Variants in PIK3R3 observed in about 807,000 individuals in gnomAD.
The protein encoded by PIK3R3 is phosphatidylinositol 3-kinase regulatory subunit gamma.
A neutral mutation model predicts 62.9 loss-of-function variants in PIK3R3; 64 were observed. The observed-to-expected ratio is 1.02, with a 90% CI of 0.83 to 1.25. The LOEUF is 1.25. Among genes scored for constraint, PIK3R3 ranks in the 50% most tolerant of loss-of-function variants. The pLI, the probability that PIK3R3 is intolerant of heterozygous loss-of-function variation, is 0.00. For missense variants in PIK3R3, 614 were observed against 561.6 expected (o/e 1.09, Z -0.94); for synonymous variants, 165 against 189.0 (o/e 0.87, Z 1.04).
intron 7 of PIK3R3, 22 bp downstream of exon 7, chr1:46,055,773 C>T: frequency 6.5e-7 from 1 of 1,530,192 alleles, no homozygotes; most frequent in Non-Finnish European, 8.8e-7. Context: ...TCTCCCTCCC[C>T]ATACACTCCC....
intron 1 of PIK3R3, among the ~76,000 whole-genome samples, chr1:46,090,351 T>C (rs1651505748): frequency 6.6e-6 from 1 of 150,958 alleles, no homozygotes. Flanking sequence ...TTTATTTTTT[T>C]GAGACAGTCT....
At chr1:46,071,696 C>CAAAAAAAAAAA (rs1331276065) in intron 3 of PIK3R3, among the ~76,000 whole-genome samples, 700 of 17,000 alleles carry the variant, frequency 0.041, 27 homozygotes, top group East Asian at 0.064. Flanking sequence ...ACTCTGTCTC[C>CAAAAAAAAAAA]AAAAAAAAAA....
chr1:46,170,825 C>A, the PIK3R3 span, among the ~76,000 whole-genome samples: 3 of 152,242 alleles, frequency 2.0e-5, no homozygotes, highest in African/African-American at 7.2e-5. Flanking sequence ...GTTTAGACAG[C>A]CACCTGAATG....
chr1:46,065,991 C>A lies in PIK3R3; in HGVS notation c.621+63G>T. The A allele has an allele frequency of 4.1e-6, 6 of 1,472,434 alleles. No individual in the cohort carries two copies. The South Asian group carries it at 6.9e-5, about 17-fold the overall frequency. The allele number at this position is 1,472,434 out of a possible 1,614,324, so 91.2% of individuals were successfully genotyped here. On this transcript the variant is annotated intron_variant, in intron 5 of 9. Transcript: ENST00000262741. ...AGCTAAAGATCATCAAGTGAATGATCGAAAATTTGATGTAACTAAAACATT... is the reference window on the plus strand; with the variant it reads ...AGCTAAAGATCATCAAGTGAATGATAGAAAATTTGATGTAACTAAAACATT...
At chr1:46,081,180 T>G (rs1613296) in intron 1 of PIK3R3, among the ~76,000 whole-genome samples, 102,450 of 152,054 alleles carry the variant, frequency 0.67, 34,760 homozygotes, top group Non-Finnish European at 0.71. Context: ...GAAATGATGG[T>G]TATGTTATTA....
At chr1:46,164,667 C>T in the PIK3R3 span, among the ~76,000 whole-genome samples, 1 of 152,236 alleles carries the variant, frequency 6.6e-6, no homozygotes. Flanking sequence ...TAACTCCAAG[C>T]CCCCCACCTT....
the PIK3R3 span, among the ~76,000 whole-genome samples, chr1:46,169,667 G>A: frequency 0.053 from 8,051 of 152,126 alleles, 684 homozygotes; most frequent in African/African-American, 0.18. Flanking sequence ...GCAAATGGGC[G>A]TGTGAGTAGA....
In PIK3R3 at chr1:46,132,594, C is replaced by A. The variant is rs1008120195; in HGVS notation, c.-642G>T. The A allele has an allele frequency of 7.8e-7, 1 of 1,289,076 alleles. No individual in the cohort carries two copies. Among genetic ancestry groups the A allele is most frequent in the Non-Finnish European group, 1.0e-6 (1 of 988,522 alleles). 79.9% of individuals were successfully genotyped at this position (1,289,076 alleles called of 1,614,324 possible). On this transcript the variant is annotated 5_prime_UTR_variant, in exon 1 of 10. Coordinates refer to ENST00000262741, the MANE Select transcript of PIK3R3 (RefSeq NM_003629.4). ...GGCGCTCCCGCCGGGGTGTAAGAACCAACCCGACCGCACCAACTGCCCTCA... is the reference window on the plus strand; with the variant it reads ...GGCGCTCCCGCCGGGGTGTAAGAACAAACCCGACCGCACCAACTGCCCTCA...
At chr1:46,166,691 C>T in the PIK3R3 span, among the ~76,000 whole-genome samples, 1 of 152,322 alleles carries the variant, frequency 6.6e-6, no homozygotes, top group South Asian at 2.1e-4. Flanking sequence ...GAGCCCACTT[C>T]GCTTCCTTGC....
At position 46,095,452 on chromosome 1, in the gene PIK3R3, T is replaced by C. The variant is rs785514; in HGVS notation, c.107-14702A>G. On this transcript the variant is annotated intron_variant, in intron 1 of 9. Coordinates refer to ENST00000262741, the MANE Select transcript of PIK3R3 (RefSeq NM_003629.4). ...TCCTCACTTATAAGTGGGAACTAAATGATGAGAACACATGGACAACATGGC... is the reference window on the plus strand; with the variant it reads ...TCCTCACTTATAAGTGGGAACTAAACGATGAGAACACATGGACAACATGGC... Among the ~76,000 whole-genome samples, 239 of 152,162 alleles carry C rather than the reference T, an allele frequency of 1.6e-3. 1 individual carries two copies. The highest frequency in any genetic ancestry group is 5.6e-3 in the African/African-American group (233 of 41,490).
chr1:46,054,754 T>C (rs1198306742), intron 7 of PIK3R3, among the ~76,000 whole-genome samples: 3 of 152,236 alleles, frequency 2.0e-5, no homozygotes, highest in African/African-American at 7.2e-5. Flanking sequence ...TGATACTATC[T>C]TTCCATTTAT....
At chr1:46,118,729 T>C (rs907851366) in intron 1 of PIK3R3, among the ~76,000 whole-genome samples, 2 of 151,848 alleles carry the variant, frequency 1.3e-5, no homozygotes, top group African/African-American at 4.8e-5. Flanking sequence ...CTAATTTTTA[T>C]ATTATTAGTA....
upstream of PIK3R3, among the ~76,000 whole-genome samples, chr1:46,133,536 C>A (rs41288351): frequency 6.6e-6 from 1 of 152,196 alleles, no homozygotes; most frequent in Non-Finnish European, 1.5e-5. Flanking sequence ...GCCCTCTCCG[C>A]ACCCTTGACA....
rs75921893 is a variant in PIK3R3, at chr1:46,091,801, C to T, written c.107-11051G>A. Among the ~76,000 whole-genome samples, 501 of 152,214 alleles carry T rather than the reference C, an allele frequency of 3.3e-3. 4 individuals carry two copies. The highest frequency in any genetic ancestry group is 0.021 in the East Asian group (107 of 5,184). ...GTTCAAAGTCCATTTTATAAAATGA[C>T]GTAATATTTGCATATAGCTTATGCA... On this transcript the variant is annotated intron_variant, in intron 1 of 9. Coordinates refer to ENST00000262741, the MANE Select transcript of PIK3R3 (RefSeq NM_003629.4).
intron 1 of PIK3R3, among the ~76,000 whole-genome samples, chr1:46,085,811 T>C (rs759687556): frequency 4.6e-5 from 7 of 152,222 alleles, no homozygotes; most frequent in Non-Finnish European, 7.3e-5. Flanking sequence ...CCTTCTGAAA[T>C]GAGTATCCAT....
the PIK3R3 span, among the ~76,000 whole-genome samples, chr1:46,167,193 G>A: frequency 2.0e-5 from 3 of 152,388 alleles, no homozygotes; most frequent in East Asian, 1.9e-4. Flanking sequence ...GGCGCCGGGT[G>A]CGCCTCGCTT....
At chr1:46,161,673 T>C in the PIK3R3 span, among the ~76,000 whole-genome samples, 2 of 151,864 alleles carry the variant, frequency 1.3e-5, no homozygotes, top group Non-Finnish European at 2.9e-5. Flanking sequence ...AGTTTGAGGC[T>C]ATAATGTGCT....
In PIK3R3 at chr1:46,042,963, A is replaced by G. The variant is rs1028499661; in HGVS notation, c.*710T>C. The G allele has an allele frequency of 4.7e-6, 1 of 214,486 alleles. No individual in the cohort carries two copies. Among genetic ancestry groups the G allele is most frequent in the East Asian group, 7.0e-5 (1 of 14,304 alleles). 13.3% of individuals were successfully genotyped at this position (214,486 alleles called of 1,614,324 possible). A position where few individuals can be genotyped will look rare whatever the true frequency, so the allele number is the denominator to read the frequency against. On this transcript the variant is annotated 3_prime_UTR_variant, in exon 10 of 10. Coordinates refer to ENST00000262741, the MANE Select transcript of PIK3R3 (RefSeq NM_003629.4). The surrounding 1 kb of genome is among the most constrained non-coding windows in gnomAD (Gnocchi z 4.3). The stretch of plus-strand genomic sequence containing the variant: ...GTTTTGGTACAGAAGTATACATTCA[A>G]CTATGAGTGCCACGTTTTCCCATCA...
At chr1:46,072,958 AATATATATAT>A (rs56768076) in intron 3 of PIK3R3, among the ~76,000 whole-genome samples, 1 of 146,928 alleles carries the variant, frequency 6.8e-6, no homozygotes, top group African/African-American at 2.5e-5. Flanking sequence ...AATATAAATA[AATATATATAT>A]ATATATATAT....
Sources: allele counts gnomAD v4.1 joint callset (sites outside exome capture counted in the v4.1 genomes callset), GRCh38; gene constraint gnomAD v4.1.1; non-coding constraint Gnocchi (gnomAD v3.1); transcripts MANE v1.5; gene names NCBI Gene and HGNC (gene_info 2026-07-23, HGNC 2026-07-21).